The following WAC variants were observed in gnomAD, a reference collection of about 807,000 sequenced individuals.
WAC encodes the protein WW domain containing adaptor with coiled-coil, also known as WW domain-containing adapter protein with coiled-coil.
WAC carries 11 observed loss-of-function variants against 79.6 expected under a neutral mutation model. That is an observed-to-expected ratio of 0.14 (90% CI 0.09 to 0.23). WAC has a LOEUF of 0.23. WAC is among the 10% of genes least tolerant of loss of function. The pLI is 1.00. For missense variants in WAC, 728 were observed against 773.5 expected (o/e 0.94, Z 0.70); for synonymous variants, 304 against 276.9 (o/e 1.10, Z -0.97).
At chr10:28,613,369 T>C (rs1352882774) in intron 10 of WAC, among the ~76,000 whole-genome samples, 1 of 151,948 alleles carries the variant, frequency 6.6e-6, no homozygotes, top group East Asian at 1.9e-4. Context: ...CTGAAAAACT[T>C]TCTTGGGCAT....
In WAC at chr10:28,533,405, A is replaced by C; in HGVS notation, c.-175A>C. On this transcript the variant is annotated 5_prime_UTR_variant, in exon 1 of 14. Coordinates refer to ENST00000354911, the MANE Select transcript of WAC (RefSeq NM_016628.5). ...GAGTGAGCGTGGTGTCGACGGAGGG[A>C]GATGGCCCGGGAGCGCCGGCGCCAG... The C allele has an allele frequency of 6.0e-6, 1 of 165,934 alleles. No individual in the cohort carries two copies. The allele number at this position is 165,934 out of a possible 1,614,324, so 10.3% of individuals were successfully genotyped here.
intron 3 of WAC, among the ~76,000 whole-genome samples, chr10:28,570,296 G>T (rs1201250695): frequency 6.6e-6 from 1 of 152,146 alleles, no homozygotes; most frequent in Non-Finnish European, 1.5e-5. Context: ...TTTTTAGTGG[G>T]TATTACAGGT....
intron 7 of WAC, among the ~76,000 whole-genome samples, chr10:28,598,069 G>C (rs1840469923): frequency 6.6e-6 from 1 of 152,132 alleles, no homozygotes; most frequent in African/African-American, 2.4e-5. Context: ...TACCTGGCCA[G>C]GTTCTCTTGA....
At chr10:28,542,275 C>T (rs1170857732) in intron 3 of WAC, among the ~76,000 whole-genome samples, 1 of 152,108 alleles carries the variant, frequency 6.6e-6, no homozygotes, top group Non-Finnish European at 1.5e-5. Flanking sequence ...CTTTCCTTGC[C>T]CCTGCGTGTT....
At position 28,571,635 on chromosome 10, in the gene WAC, C is replaced by G. The variant is rs561927021; in HGVS notation, c.275-11764C>G. ...TTAATGTAACTCAGACAGATGAAAG[C>G]GCAGCATGTACTTGAAGATTGCTTT... On this transcript the variant is annotated intron_variant, in intron 3 of 13. Coordinates refer to ENST00000354911, the MANE Select transcript of WAC (RefSeq NM_016628.5). 9.8e-5 allele frequency among the ~76,000 whole-genome samples: 15 copies of G among 152,358 alleles called. No homozygotes were observed. The South Asian group carries it at 2.9e-3, about 29-fold the overall frequency.
chr10:28,545,802 GTGAGATACAT>G (rs1286171828), intron 3 of WAC, among the ~76,000 whole-genome samples: 1 of 152,224 alleles, frequency 6.6e-6, no homozygotes, highest in Admixed American at 6.5e-5. Context: ...GGACAGGCCA[GTGAGATACAT>G]TGGGTAGTAT....
intron 13 of WAC, among the ~76,000 whole-genome samples, chr10:28,619,273 C>CT (rs1384620853): frequency 6.6e-6 from 1 of 152,308 alleles, no homozygotes; most frequent in Admixed American, 6.5e-5. Context: ...GAGCAAGACT[C>CT]TGTCTCAAAA....
At chr10:28,603,794 C>A (rs921067993) in intron 7 of WAC, among the ~76,000 whole-genome samples, 1 of 150,822 alleles carries the variant, frequency 6.6e-6, no homozygotes, top group Non-Finnish European at 1.5e-5. Flanking sequence ...ATTAGCCGGT[C>A]GAGGTGGCAG....
intron 13 of WAC, 114 bp downstream of exon 13, chr10:28,617,898 T>C (rs116642817): frequency 1.1e-5 from 13 of 1,213,046 alleles, no homozygotes; most frequent in Non-Finnish European, 7.7e-6. Context: ...CTTCGATACA[T>C]TGATCACATT....
intron 7 of WAC, among the ~76,000 whole-genome samples, chr10:28,600,944 C>T (rs894485848): frequency 1.3e-5 from 2 of 151,206 alleles, no homozygotes; most frequent in Non-Finnish European, 1.5e-5. Context: ...AAAAATTCAC[C>T]GAGAATGGAT....
chr10:28,612,472 C>T (rs1841288188), intron 10 of WAC, among the ~76,000 whole-genome samples: 1 of 152,082 alleles, frequency 6.6e-6, no homozygotes, highest in South Asian at 2.1e-4. Context: ...TGTATTTGTC[C>T]CAGCAGAATC....
At chr10:28,587,348 T>C (rs960566540) in intron 4 of WAC, among the ~76,000 whole-genome samples, 2 of 152,244 alleles carry the variant, frequency 1.3e-5, no homozygotes, top group Admixed American at 6.5e-5. Context: ...CAATCTGTTA[T>C]GATACATCCA....
At chr10:28,543,387 A>G (rs1230034764) in intron 3 of WAC, among the ~76,000 whole-genome samples, 1 of 152,254 alleles carries the variant, frequency 6.6e-6, no homozygotes, top group Non-Finnish European at 1.5e-5. Flanking sequence ...AACTATAATG[A>G]CATACTTTAC....
intron 3 of WAC, among the ~76,000 whole-genome samples, chr10:28,538,030 C>T (rs1381785311): frequency 6.6e-6 from 1 of 152,100 alleles, no homozygotes; most frequent in Non-Finnish European, 1.5e-5. Context: ...ACCTGGCTGC[C>T]ATATTCCTTT....
At chr10:28,571,733 G>C (rs1410847670) in intron 3 of WAC, among the ~76,000 whole-genome samples, 1 of 152,156 alleles carries the variant, frequency 6.6e-6, no homozygotes, top group African/African-American at 2.4e-5. Flanking sequence ...TCCACTTCTT[G>C]GTTAATTAGG....
intron 4 of WAC, among the ~76,000 whole-genome samples, chr10:28,586,916 A>G (rs578059715): frequency 4.6e-5 from 7 of 152,298 alleles, no homozygotes; most frequent in South Asian, 2.1e-4. Context: ...GTTTGCATTC[A>G]TATTCCAGCT....
chr10:28,583,570 A>G, intron 4 of WAC, 65 bp downstream of exon 4: 1 of 968,692 alleles, frequency 1.0e-6, no homozygotes, highest in Non-Finnish European at 1.5e-6. Flanking sequence ...AAAAAAAAAT[A>G]CAACCCATGG....
chr10:28,608,857 C>T (rs1450628458), intron 8 of WAC, among the ~76,000 whole-genome samples: 1 of 152,054 alleles, frequency 6.6e-6, no homozygotes, highest in Non-Finnish European at 1.5e-5. Flanking sequence ...AGTAGGAATT[C>T]AGGTAGCTAC....
intron 9 of WAC, 132 bp downstream of exon 9, chr10:28,610,953 T>C: frequency 9.5e-7 from 1 of 1,054,940 alleles, no homozygotes; most frequent in South Asian, 2.0e-5. Flanking sequence ...TACAATAATT[T>C]TGTTTTTTTT....
Sources: allele counts gnomAD v4.1 joint callset (sites outside exome capture counted in the v4.1 genomes callset), GRCh38; gene constraint gnomAD v4.1.1; transcripts MANE v1.5; gene names NCBI Gene and HGNC (gene_info 2026-07-23, HGNC 2026-07-21).